Variants in GLI3 observed in about 807,000 individuals in gnomAD.
The protein encoded by GLI3 is GLI family zinc finger 3, also known as transcription activator GLI3.
A neutral mutation model predicts 100.8 loss-of-function variants in GLI3; 20 were observed. That is an observed-to-expected ratio of 0.20 (90% CI 0.14 to 0.29). GLI3 has a LOEUF of 0.29. Among genes scored for constraint, GLI3 ranks in the 10% least tolerant of loss-of-function variants. GLI3 has a pLI of 1.00. For synonymous variants in GLI3, 938 were observed against 860.5 expected (o/e 1.09, Z -1.58); for missense variants, 2,040 against 2,128.5 (o/e 0.96, Z 0.82).
rs572453939 is a variant in GLI3, at chr7:41,998,664, T to A, written c.1498-19916A>T. Among the ~76,000 whole-genome samples the A allele has an allele frequency of 6.6e-5, 10 of 152,350 alleles. No homozygotes were observed. The East Asian group carries it at 1.9e-3, about 29-fold the overall frequency. ...TGATTTTATTGGCAGAGACTCTGAA[T>A]GGTGTTAACATTGGCTCAGTACAAA... is the stretch of plus-strand genomic sequence containing the variant. On this transcript the variant is annotated intron_variant, in intron 10 of 14. Coordinates refer to ENST00000395925, the MANE Select transcript of GLI3 (RefSeq NM_000168.6).
chr7:41,978,384 C>T (rs1426697296), intron 11 of GLI3, among the ~76,000 whole-genome samples: 2 of 152,206 alleles, frequency 1.3e-5, no homozygotes, highest in African/African-American at 4.8e-5. Context: ...CTATTCATTC[C>T]CAGTGCCAGC....
chr7:42,080,227 G>T (rs1472513002), intron 3 of GLI3, among the ~76,000 whole-genome samples: 1 of 151,950 alleles, frequency 6.6e-6, no homozygotes, highest in Admixed American at 6.6e-5. Context: ...ACAATTACTG[G>T]GACACTAAGT....
At chr7:42,243,810 G>A (rs1416373518) in intron 1 of GLI3, among the ~76,000 whole-genome samples, 2 of 152,158 alleles carry the variant, frequency 1.3e-5, no homozygotes, top group African/African-American at 2.4e-5. Context: ...GTGAAAGTGT[G>A]ATTGATTTTG....
At chr7:42,237,205 AGTGTGCGAGC>A in exon 1 of GLI3, 1 of 150,284 alleles carries the variant, frequency 6.7e-6, no homozygotes, top group Middle Eastern at 3.4e-3. Flanking sequence ...CGCGAGTGCG[AGTGTGCGAGC>A]GCGCCGGTGG....
At chr7:42,180,575 G>T (rs1203116446) in intron 2 of GLI3, among the ~76,000 whole-genome samples, 7 of 152,190 alleles carry the variant, frequency 4.6e-5, no homozygotes, top group Non-Finnish European at 8.8e-5. Context: ...CCTGGAAAAG[G>T]CTGGAGGGTA....
chr7:42,158,132 A>T (rs538570706), intron 2 of GLI3, among the ~76,000 whole-genome samples: 1 of 152,306 alleles, frequency 6.6e-6, no homozygotes, highest in East Asian at 1.9e-4. Context: ...TTACCAGCCC[A>T]CTCTGGAAAG....
chr7:42,115,993 T>C (rs1036306814), intron 3 of GLI3, among the ~76,000 whole-genome samples: 13 of 152,004 alleles, frequency 8.6e-5, no homozygotes, highest in Admixed American at 5.9e-4. Context: ...GTACCTCAAA[T>C]GAACAGGGAG....
At chr7:41,986,316 T>C (rs1787821622) in intron 10 of GLI3, among the ~76,000 whole-genome samples, 1 of 152,204 alleles carries the variant, frequency 6.6e-6, no homozygotes, top group African/African-American at 2.4e-5. Context: ...GCAAAGTTCT[T>C]TAACAAGGTA....
chr7:42,178,715 G>A (rs1334251404), intron 2 of GLI3, among the ~76,000 whole-genome samples: 1 of 152,170 alleles, frequency 6.6e-6, no homozygotes, highest in Non-Finnish European at 1.5e-5. Flanking sequence ...GAAGATTAGA[G>A]TTTACCAGGA....
chr7:42,198,771 TAC>T (rs906325525), intron 2 of GLI3, among the ~76,000 whole-genome samples: 66 of 150,102 alleles, frequency 4.4e-4, no homozygotes, highest in Non-Finnish European at 6.5e-4. Flanking sequence ...CACACACACA[TAC>T]ACACACACAC....
Position 41,964,902 on chromosome 7 carries a change from C to T in GLI3, c.4171G>A (p.Gly1391Ser), listed in dbSNP as rs1359819839. The change falls in exon 15 of 15, where the codon GGC becomes AGC. Residue 1391 changes from glycine to serine, a missense_variant. This residue lies in a region of GLI3 where 1,041 missense variants were observed against 924.0 expected (regional missense o/e 1.13). Coordinates refer to ENST00000395925, the MANE Select transcript of GLI3 (RefSeq NM_000168.6). ...RGYQPCASFG[G>S]SRRQAMPRDS... ...CTCGGCATAGCCTGGCGCCTGCTGCCCCCAAAGCTGGCACATGGCTGGTAG... is the reference window on the plus strand; with the variant it reads ...CTCGGCATAGCCTGGCGCCTGCTGCTCCCAAAGCTGGCACATGGCTGGTAG... The T allele has an allele frequency of 6.2e-7, 1 of 1,613,844 alleles. No homozygotes were observed. Among genetic ancestry groups the T allele is most frequent in the South Asian group, 1.1e-5 (1 of 91,086 alleles).
chr7:42,201,332 T>C (rs149944851), intron 2 of GLI3, among the ~76,000 whole-genome samples: 178 of 152,334 alleles, frequency 1.2e-3, no homozygotes, highest in African/African-American at 4.0e-3. Context: ...GAGGGACTCC[T>C]GTAATAAATG....
intron 2 of GLI3, among the ~76,000 whole-genome samples, chr7:42,218,734 G>A (rs889243025): frequency 2.0e-5 from 3 of 152,074 alleles, no homozygotes; most frequent in African/African-American, 7.2e-5. Flanking sequence ...TTGCATCAGC[G>A]TTAGGATAAT....
chr7:42,124,505 CA>C (rs1416118149), intron 3 of GLI3, among the ~76,000 whole-genome samples: 1 of 152,176 alleles, frequency 6.6e-6, no homozygotes, highest in African/African-American at 2.4e-5. Context: ...TAGTTGCTGA[CA>C]ACAGAAAGTT....
chr7:42,195,176 G>A (rs1787905894), intron 2 of GLI3, among the ~76,000 whole-genome samples: 1 of 152,102 alleles, frequency 6.6e-6, no homozygotes. Context: ...TGTCTTCTGT[G>A]TTGCCCCACT....
chr7:42,023,360 G>A (rs1158645952), intron 10 of GLI3, 108 bp downstream of exon 10: 6 of 1,136,984 alleles, frequency 5.3e-6, no homozygotes, highest in African/African-American at 3.0e-5. Flanking sequence ...TCTCCAGTTC[G>A]CAATGCGGCT....
At chr7:42,057,950 C>G (rs1784496395) in intron 4 of GLI3, among the ~76,000 whole-genome samples, 1 of 152,128 alleles carries the variant, frequency 6.6e-6, no homozygotes, top group African/African-American at 2.4e-5. Context: ...ATGTACACTA[C>G]TGGTGTCACA....
chr7:42,140,689 C>T (rs1383494781), intron 3 of GLI3, among the ~76,000 whole-genome samples: 1 of 152,072 alleles, frequency 6.6e-6, no homozygotes, highest in African/African-American at 2.4e-5. Flanking sequence ...AAAATCAAGC[C>T]CTTTCCCTAA....
intron 2 of GLI3, among the ~76,000 whole-genome samples, chr7:42,183,721 G>A (rs939082014): frequency 1.3e-5 from 2 of 152,056 alleles, no homozygotes; most frequent in African/African-American, 4.8e-5. Flanking sequence ...GTCAAAAAAC[G>A]ATGAGTCATC....
Sources: gnomAD v4.1 joint callset for allele counts (sites outside exome capture counted in the v4.1 genomes callset) on GRCh38, gnomAD v4.1.1 for gene constraint, gnomAD v4.1.1 regional missense constraint, MANE v1.5 for transcripts, NCBI Gene and HGNC (gene_info 2026-07-23, HGNC 2026-07-21) for gene names.